FERMT2: variants seen among roughly 807,000 people sequenced by gnomAD.
FERMT2 encodes FERM domain containing kindlin 2, also known as fermitin family homolog 2.
In FERMT2, 15 loss-of-function variants were observed where a neutral mutation model predicts 82.7. The ratio of observed to expected loss-of-function variants is 0.18; its 90% CI spans 0.12 to 0.28. The LOEUF (loss-of-function observed/expected upper bound fraction) is 0.28, where lower values mean the gene tolerates loss of function less well. Ranked by LOEUF, FERMT2 falls within the 10% of genes least tolerant of loss-of-function variation. The pLI is 1.00. For missense variants in FERMT2, 645 were observed against 809.4 expected (o/e 0.80, Z 2.46); for synonymous variants, 274 against 271.5 (o/e 1.01, Z -0.09).
chr14:52,943,143 G>A (rs530915392), intron 2 of FERMT2, among the ~76,000 whole-genome samples: 1 of 143,792 alleles, frequency 7.0e-6, no homozygotes, highest in Non-Finnish European at 1.5e-5. Context: ...GGGAGGCGGA[G>A]GTTGCAGTGG....
At chr14:52,912,512 T>C (rs995209093) in intron 3 of FERMT2, among the ~76,000 whole-genome samples, 3 of 101,874 alleles carry the variant, frequency 2.9e-5, no homozygotes, top group Non-Finnish European at 6.3e-5. Context: ...AGATCACTAC[T>C]TTTTTTTTTT....
At chr14:52,893,246 C>T (rs1445019247) in intron 4 of FERMT2, 47 bp downstream of exon 4, 1 of 1,510,316 alleles carries the variant, frequency 6.6e-7, no homozygotes, top group Middle Eastern at 1.8e-4. Context: ...CAAAGGTACA[C>T]AGTCCACAGT....
intron 3 of FERMT2, among the ~76,000 whole-genome samples, chr14:52,901,863 A>C (rs1289627463): frequency 6.6e-6 from 1 of 152,234 alleles, no homozygotes. Context: ...TTTAACCTAC[A>C]GTGACTGTGA....
intron 4 of FERMT2, chr14:52,881,960 T>G: frequency 3.0e-6 from 1 of 333,490 alleles, no homozygotes; most frequent in Non-Finnish European, 5.7e-6. Flanking sequence ...TAAACTGAAG[T>G]ACACATTTCA....
At chr14:52,908,675 G>A (rs1888150375) in intron 3 of FERMT2, among the ~76,000 whole-genome samples, 1 of 152,138 alleles carries the variant, frequency 6.6e-6, no homozygotes, top group Non-Finnish European at 1.5e-5. Context: ...CCAGCAGAGG[G>A]GCATCAGGGA....
intron 2 of FERMT2, among the ~76,000 whole-genome samples, chr14:52,945,719 A>AT (rs1180985658): frequency 1.3e-5 from 2 of 151,944 alleles, no homozygotes; most frequent in Non-Finnish European, 2.9e-5. Context: ...GAGATCACCT[A>AT]TTTTTTCCTC....
chr14:52,900,015 C>T (rs911998774), intron 3 of FERMT2, among the ~76,000 whole-genome samples: 10 of 152,172 alleles, frequency 6.6e-5, no homozygotes, highest in Admixed American at 2.0e-4. Flanking sequence ...CTCAATTTTA[C>T]ATTTCAATAA....
At chr14:52,867,066 C>T (rs1445931699) in intron 10 of FERMT2, among the ~76,000 whole-genome samples, 2 of 151,518 alleles carry the variant, frequency 1.3e-5, no homozygotes, top group Non-Finnish European at 2.9e-5. Flanking sequence ...CCTTCCTTGT[C>T]ATAGATAAAG....
chr14:52,859,924 TCTC>T (rs1198479799), intron 13 of FERMT2: 1 of 321,290 alleles, frequency 3.1e-6, no homozygotes, highest in African/African-American at 2.2e-5. Context: ...TTCACGCCAT[TCTC>T]CTGCCTCAGC....
At chr14:52,932,105 G>C (rs1230343301) in intron 2 of FERMT2, among the ~76,000 whole-genome samples, 1 of 152,216 alleles carries the variant, frequency 6.6e-6, no homozygotes, top group African/African-American at 2.4e-5. Flanking sequence ...AAAACGGGGG[G>C]TGGAGCCAAA....
chr14:52,864,800 G>A lies in FERMT2; in HGVS notation c.1327C>T (p.Leu443Phe). 1 of 1,612,326 alleles carries A rather than the reference G, an allele frequency of 6.2e-7. No individual in the cohort carries two copies. Among genetic ancestry groups the A allele is most frequent in the Non-Finnish European group, 8.5e-7 (1 of 1,178,470 alleles). Residue 443 changes from leucine to phenylalanine, a missense_variant, in exon 11 of 15, where the codon CTC (leucine) becomes TTC (phenylalanine). Transcript: ENST00000341590. ...NISGQKFNIKLLIPVAEGMNE... is the reference protein window; with the variant it reads ...NISGQKFNIKFLIPVAEGMNE... ...ATGCCTTCTGCAACTGGAATCAGGA[G>A]TTTAATGTTAAATTTTTGGCCTGAA...
At chr14:52,911,510 G>A (rs955962701) in intron 3 of FERMT2, among the ~76,000 whole-genome samples, 14 of 152,118 alleles carry the variant, frequency 9.2e-5, no homozygotes, top group Non-Finnish European at 1.9e-4. Context: ...AATTAGCTGG[G>A]CGTGGTGGCG....
intron 2 of FERMT2, among the ~76,000 whole-genome samples, chr14:52,919,637 T>G (rs1888834510): frequency 1.3e-5 from 2 of 152,178 alleles, no homozygotes; most frequent in Admixed American, 6.5e-5. Context: ...TACCCTCTTA[T>G]TCTCAGAAAA....
chr14:52,948,636 A>G (rs1890472602), intron 2 of FERMT2: 1 of 449,712 alleles, frequency 2.2e-6, no homozygotes, highest in Non-Finnish European at 4.4e-6. Flanking sequence ...ATAGTCATTT[A>G]AATTAACATC....
intron 6 of FERMT2, 63 bp from the exon 7 acceptor site, chr14:52,878,752 C>T: frequency 1.2e-6 from 1 of 813,720 alleles, no homozygotes; most frequent in Admixed American, 2.9e-5. Flanking sequence ...ATTTCAAACT[C>T]TGAATATTCA....
At chr14:52,860,241 C>A in intron 13 of FERMT2, 100 bp downstream of exon 13, 1 of 956,844 alleles carries the variant, frequency 1.0e-6, no homozygotes, top group South Asian at 1.7e-5. Context: ...GTTAATGGGT[C>A]TACATAGGTA....
intron 10 of FERMT2, among the ~76,000 whole-genome samples, chr14:52,872,553 T>G (rs2140091538): frequency 6.6e-6 from 1 of 152,134 alleles, no homozygotes; most frequent in East Asian, 1.9e-4. Context: ...AAAAGAAAAG[T>G]TGAATCATAC....
At chr14:52,870,248 CTTT>C (rs1185198814) in intron 10 of FERMT2, among the ~76,000 whole-genome samples, 11 of 138,780 alleles carry the variant, frequency 7.9e-5, no homozygotes, top group South Asian at 6.9e-4. Context: ...TACAAGTGTA[CTTT>C]TTTTTTTTTT....
At chr14:52,902,880 A>C (rs1234280274) in intron 3 of FERMT2, among the ~76,000 whole-genome samples, 1 of 139,218 alleles carries the variant, frequency 7.2e-6, no homozygotes, top group Non-Finnish European at 1.5e-5. Flanking sequence ...AAAAAAAAAA[A>C]AAAAAAAAAA....
Sources: allele counts gnomAD v4.1 joint callset (sites outside exome capture counted in the v4.1 genomes callset), GRCh38; gene constraint gnomAD v4.1.1; transcripts MANE v1.5; gene names NCBI Gene and HGNC (gene_info 2026-07-23, HGNC 2026-07-21).